UTY: variants seen among roughly 807,000 people sequenced by gnomAD.
The protein encoded by UTY is ubiquitously transcribed tetratricopeptide repeat containing, Y-linked.
UTY carries 12 observed loss-of-function variants against 32.5 expected under a neutral mutation model. The ratio of observed to expected loss-of-function variants is 0.37; its 90% CI spans 0.24 to 0.60. The LOEUF (loss-of-function observed/expected upper bound fraction) is 0.60. Among genes scored for constraint, UTY ranks in the 20% least tolerant of loss-of-function variants. UTY has a pLI of 0.69. For missense variants in UTY, 303 were observed against 299.2 expected (o/e 1.01, Z -0.09); for synonymous variants, 131 against 103.4 (o/e 1.27, Z -1.62).
chrY:13,259,418 TAA>T (rs2055106526), intron 28 of UTY, among the ~76,000 whole-genome samples: 1 of 34,143 alleles, frequency 2.9e-5, no homozygotes. Context: ...CTCAGAAACT[TAA>T]AAGTTTTCGT....
At position 13,355,051 on chromosome Y, in the gene UTY, G is replaced by A; in HGVS notation, c.2013C>T (p.Asn671=). The A allele has an allele frequency of 2.5e-6, 1 of 398,650 alleles. No homozygotes were observed. The highest frequency in any genetic ancestry group is 3.0e-5 in the South Asian group (1 of 33,768). The change falls in exon 17 of 30, where the codon AAC becomes AAT. Residue 671 remains asparagine, a synonymous_variant. Coordinates refer to ENST00000545955, the MANE Select transcript of UTY (RefSeq NM_001258249.2). ...TTCTCCATGGCTCTTCTGTGCTGCT[G>A]TTCAGGTCTGTATGATTATGAGGTA... The part of the protein sequence containing the change: ...HTLPHNHTDL[N]SSTEEPWRKQ...
At chrY:13,366,187 T>C in intron 10 of UTY, 80 bp downstream of exon 10, 1 of 315,632 alleles carries the variant, frequency 3.2e-6, no homozygotes, top group Non-Finnish European at 4.4e-6. Context: ...AAATTTCACT[T>C]CTCAGATTAC....
chrY:13,339,184 TC>T (rs2061328275), intron 17 of UTY, among the ~76,000 whole-genome samples: 16 of 33,402 alleles, frequency 4.8e-4, no homozygotes, highest in Non-Finnish European at 1.1e-3. Context: ...CCTTTTTTGG[TC>T]TCTCCAGTCT....
chrY:13,365,872 T>A, intron 10 of UTY, among the ~76,000 whole-genome samples: 1 of 33,065 alleles, frequency 3.0e-5, no homozygotes, highest in African/African-American at 1.2e-4. Context: ...TTAATTTATT[T>A]ATTTATTTTG....
At chrY:13,304,227 T>C in intron 24 of UTY, 1 of 106,917 alleles carries the variant, frequency 9.4e-6, no homozygotes. Context: ...ACAAAAGAAA[T>C]TTTTTGAATT....
At chrY:13,430,558 T>C (rs2073900727) in intron 4 of UTY, among the ~76,000 whole-genome samples, 4 of 33,043 alleles carry the variant, frequency 1.2e-4, no homozygotes, top group African/African-American at 2.4e-4. Flanking sequence ...TGTTATCAAT[T>C]GTGATCTCTT....
intron 17 of UTY, among the ~76,000 whole-genome samples, chrY:13,353,572 T>C: frequency 2.9e-5 from 1 of 34,099 alleles, no homozygotes; most frequent in African/African-American, 1.1e-4. Context: ...ATACATTTCA[T>C]TTCATAAGTC....
intron 3 of UTY, among the ~76,000 whole-genome samples, chrY:13,460,286 A>G: frequency 3.0e-5 from 1 of 33,816 alleles, no homozygotes; most frequent in Admixed American, 2.8e-4. Context: ...AACACTTCAG[A>G]GTTCTATAAC....
intron 3 of UTY, among the ~76,000 whole-genome samples, chrY:13,467,913 A>C: frequency 5.9e-5 from 2 of 33,784 alleles, no homozygotes; most frequent in African/African-American, 1.2e-4. Context: ...TAAACACACA[A>C]AAAAAATCTT....
intron 17 of UTY, among the ~76,000 whole-genome samples, chrY:13,345,277 G>A: frequency 6.1e-5 from 2 of 32,777 alleles, no homozygotes; most frequent in African/African-American, 2.4e-4. Flanking sequence ...TTGATCCTGC[G>A]GCAAAACTAT....
intron 27 of UTY, among the ~76,000 whole-genome samples, chrY:13,282,458 A>G (rs777314571): frequency 4.5e-4 from 15 of 33,540 alleles, no homozygotes; most frequent in Admixed American, 1.8e-3. Flanking sequence ...TTAAAAATCA[A>G]CTCATAACTT....
chrY:13,458,198 A>G (rs2076941045), intron 3 of UTY, among the ~76,000 whole-genome samples: 1 of 33,691 alleles, frequency 3.0e-5, no homozygotes, highest in Admixed American at 2.7e-4. Flanking sequence ...GGTCTTTGCT[A>G]TTGTGAATAG....
intron 8 of UTY, among the ~76,000 whole-genome samples, chrY:13,374,466 T>C (rs937369583): frequency 3.2e-4 from 11 of 34,083 alleles, no homozygotes; most frequent in Admixed American, 2.7e-3. Context: ...TTGGGAACTA[T>C]GACAGAAAAC....
intron 8 of UTY, among the ~76,000 whole-genome samples, chrY:13,382,655 C>T: frequency 2.9e-5 from 1 of 34,133 alleles, no homozygotes; most frequent in African/African-American, 1.1e-4. Context: ...AATTATACAA[C>T]GTGTGGAGGG....
chrY:13,260,210 A>G, intron 28 of UTY, 68 bp downstream of exon 28: 5 of 352,545 alleles, frequency 1.4e-5, no homozygotes, highest in Non-Finnish European at 2.0e-5. Flanking sequence ...AATTTAAAAT[A>G]AAGCAACAAC....
At chrY:13,236,952 A>G (rs2053858870) in intron 28 of UTY, among the ~76,000 whole-genome samples, 1 of 33,712 alleles carries the variant, frequency 3.0e-5, no homozygotes, top group Non-Finnish European at 7.4e-5. Flanking sequence ...TTTAAAAAAA[A>G]GATTGGATAC....
At chrY:13,415,837 GCAA>G in intron 4 of UTY, among the ~76,000 whole-genome samples, 1 of 34,316 alleles carries the variant, frequency 2.9e-5, no homozygotes, top group African/African-American at 1.1e-4. Context: ...CTGATAAACT[GCAA>G]CAACAAGAAC....
chrY:13,277,750 C>T (rs2056780922), intron 27 of UTY, among the ~76,000 whole-genome samples: 1 of 33,397 alleles, frequency 3.0e-5, no homozygotes. Flanking sequence ...CTAGCTAGTC[C>T]CATCACTACG....
At chrY:13,438,497 C>T in intron 4 of UTY, among the ~76,000 whole-genome samples, 1 of 33,569 alleles carries the variant, frequency 3.0e-5, no homozygotes, top group Non-Finnish European at 7.4e-5. Flanking sequence ...CCGTAATAAC[C>T]CTGTTAGACC....
Sources: gnomAD v4.1 joint callset for allele counts (sites outside exome capture counted in the v4.1 genomes callset) on GRCh38, gnomAD v4.1.1 for gene constraint, MANE v1.5 for transcripts, NCBI Gene and HGNC (gene_info 2026-07-23, HGNC 2026-07-21) for gene names.